The following ZPBP variants were observed in gnomAD, a reference collection of about 807,000 sequenced individuals.
ZPBP encodes zona pellucida-binding protein 1.
In ZPBP, 26 loss-of-function variants were observed where a neutral mutation model predicts 44.8. The ratio of observed to expected loss-of-function variants is 0.58; its 90% CI spans 0.43 to 0.81. ZPBP has a LOEUF of 0.81. ZPBP is among the 30% of genes least tolerant of loss of function. ZPBP has a pLI of 0.00. For missense variants in ZPBP, 409 were observed against 434.0 expected (o/e 0.94, Z 0.51); for synonymous variants, 174 against 153.2 (o/e 1.14, Z -1.00).
chr7:49,910,617 T>A (rs1793356336), intron 1 of ZPBP, among the ~76,000 whole-genome samples: 2 of 152,184 alleles, frequency 1.3e-5, no homozygotes, highest in African/African-American at 4.8e-5. Flanking sequence ...AAAAAAAATG[T>A]GTTTTAACTA....
intron 3 of ZPBP, among the ~76,000 whole-genome samples, chr7:50,065,071 C>T (rs922278012): frequency 6.6e-6 from 1 of 152,202 alleles, no homozygotes; most frequent in Non-Finnish European, 1.5e-5. Flanking sequence ...CCGGTCCCTC[C>T]GTTTGTAGTC....
intron 2 of ZPBP, among the ~76,000 whole-genome samples, chr7:49,850,992 A>G (rs891042690): frequency 2.6e-5 from 4 of 152,154 alleles, no homozygotes; most frequent in Non-Finnish European, 4.4e-5. Context: ...GCTTTAAGGA[A>G]TGTCAGTTTA....
At chr7:50,068,025 G>A (rs1269283818) in intron 3 of ZPBP, among the ~76,000 whole-genome samples, 1 of 152,180 alleles carries the variant, frequency 6.6e-6, no homozygotes, top group Non-Finnish European at 1.5e-5. Flanking sequence ...AGCTTAGTTA[G>A]TTAGATCTGG....
At chr7:49,911,921 A>ATG (rs1583822951) in intron 1 of ZPBP, 1 of 743,236 alleles carries the variant, frequency 1.3e-6, no homozygotes, top group South Asian at 4.3e-5. Context: ...AAACAAATAC[A>ATG]CGCACACACA....
chr7:50,050,734 A>G (rs943999116), intron 4 of ZPBP, among the ~76,000 whole-genome samples: 3 of 143,264 alleles, frequency 2.1e-5, no homozygotes, highest in South Asian at 4.7e-4. Context: ...ACTTAACTCA[A>G]GATGGATTGA....
At chr7:49,874,536 G>A (rs775916053) in intron 2 of ZPBP, among the ~76,000 whole-genome samples, 12 of 134,028 alleles carry the variant, frequency 9.0e-5, no homozygotes, top group Non-Finnish European at 1.4e-4. Context: ...GTTACATGAC[G>A]CATGACTATA....
chr7:49,845,738 C>G (rs1317279563), downstream of ZPBP, among the ~76,000 whole-genome samples: 1 of 152,194 alleles, frequency 6.6e-6, no homozygotes, highest in African/African-American at 2.4e-5. Flanking sequence ...AAGAGCACTT[C>G]CCAGTACAAA....
At chr7:50,067,336 T>C (rs73116949) in intron 3 of ZPBP, among the ~76,000 whole-genome samples, 358 of 152,258 alleles carry the variant, frequency 2.4e-3, no homozygotes, top group Non-Finnish European at 4.4e-3. Context: ...CTTCCAGCAG[T>C]TAAAATCTTT....
At chr7:50,024,163 G>C (rs1166812318) in intron 5 of ZPBP, among the ~76,000 whole-genome samples, 2 of 151,994 alleles carry the variant, frequency 1.3e-5, no homozygotes, top group Non-Finnish European at 2.9e-5. Flanking sequence ...AGATAATGTA[G>C]TGGTGACGGT....
At chr7:49,968,436 G>C (rs987795002) in intron 7 of ZPBP, among the ~76,000 whole-genome samples, 2 of 151,892 alleles carry the variant, frequency 1.3e-5, no homozygotes, top group African/African-American at 4.8e-5. Context: ...TAAAAATATA[G>C]CAACCTAGGA....
chr7:49,873,828 G>C, intron 2 of ZPBP, among the ~76,000 whole-genome samples: 1 of 151,354 alleles, frequency 6.6e-6, no homozygotes, highest in East Asian at 1.9e-4. Flanking sequence ...AATTAATTAT[G>C]GAATATTCAT....
chr7:49,909,831 C>T (rs1367607001), intron 1 of ZPBP, among the ~76,000 whole-genome samples: 2 of 152,092 alleles, frequency 1.3e-5, no homozygotes, highest in African/African-American at 2.4e-5. Flanking sequence ...GGGCTGGGTG[C>T]GGCAACTCAT....
At chr7:49,961,929 TTC>T (rs1400938328) in intron 7 of ZPBP, among the ~76,000 whole-genome samples, 2 of 152,070 alleles carry the variant, frequency 1.3e-5, no homozygotes, top group Non-Finnish European at 2.9e-5. Flanking sequence ...CCGATATCAT[TTC>T]TGTTATTTTA....
intron 6 of ZPBP, among the ~76,000 whole-genome samples, chr7:50,017,310 A>G (rs1798858992): frequency 6.6e-6 from 1 of 152,134 alleles, no homozygotes; most frequent in Admixed American, 6.6e-5. Context: ...TTGCACTCCC[A>G]TAAGAATCTA....
intron 1 of ZPBP, among the ~76,000 whole-genome samples, chr7:49,906,131 C>T (rs1240686410): frequency 6.6e-6 from 1 of 152,154 alleles, no homozygotes; most frequent in Non-Finnish European, 1.5e-5. Context: ...TTCTTTATTC[C>T]TTCACTTTCT....
At position 49,912,140 on chromosome 7, in the gene ZPBP, C is replaced by T. The variant is rs143114911; in HGVS notation, n.412-10925G>A. 1.4e-5 allele frequency: 22 copies of T among 1,613,934 alleles called. No individual in the cohort carries two copies. In the East Asian group the frequency reaches 2.9e-4, roughly 21 times the overall value. ...CTTATGAGGAAGGCACATGGAGAAT[C>T]GAGCGGCAGGCCATGTGCACGAGAC... On this transcript the variant is annotated intron_variant and non_coding_transcript_variant, in intron 1 of 2. Transcript: ENST00000465922.
chr7:49,846,827 G>T (rs1312672187), downstream of ZPBP, among the ~76,000 whole-genome samples: 1 of 152,114 alleles, frequency 6.6e-6, no homozygotes, highest in Non-Finnish European at 1.5e-5. Context: ...AGCCTCATTT[G>T]ACAGCCAGAG....
intron 6 of ZPBP, among the ~76,000 whole-genome samples, chr7:49,994,277 G>A (rs1041220571): frequency 6.6e-6 from 1 of 152,150 alleles, no homozygotes; most frequent in Non-Finnish European, 1.5e-5. Flanking sequence ...CCTGCATATT[G>A]TTGAGAACCA....
intron 4 of ZPBP, among the ~76,000 whole-genome samples, chr7:50,052,944 G>A (rs1800763568): frequency 6.6e-6 from 1 of 152,082 alleles, no homozygotes; most frequent in South Asian, 2.1e-4. Context: ...GAGGTAGGAG[G>A]GAAAATGGGT....
Sources: allele counts gnomAD v4.1 joint callset (sites outside exome capture counted in the v4.1 genomes callset), GRCh38; gene constraint gnomAD v4.1.1; transcripts MANE v1.5; gene names NCBI Gene and HGNC (gene_info 2026-07-23, HGNC 2026-07-21).